The following BBS4 variants were observed in gnomAD, a reference collection of about 807,000 sequenced individuals.
BBS4 encodes the protein BBSome complex member BBS4.
A neutral mutation model predicts 71.4 loss-of-function variants in BBS4; 58 were observed. That is an observed-to-expected ratio of 0.81 (90% confidence interval 0.66 to 1.01). The LOEUF (loss-of-function observed/expected upper bound fraction) is 1.01, where lower values mean the gene tolerates loss of function less well. Among genes scored for constraint, BBS4 ranks in the 50% least tolerant of loss-of-function variants. BBS4 has a pLI of 0.00. For synonymous variants in BBS4, 228 were observed against 216.8 expected (o/e 1.05, Z -0.46); for missense variants, 660 against 607.9 (o/e 1.09, Z -0.90).
Position 72,738,295 on chromosome 15 carries a change from G to T in BBS4, c.*708G>T, listed in dbSNP as rs1247412131. ...GCACCAACGATTTTAAAGAAAAAAGGAAGAGTTTCTTAGATGAGTAATTGT... is the reference window on the plus strand; with the variant it reads ...GCACCAACGATTTTAAAGAAAAAAGTAAGAGTTTCTTAGATGAGTAATTGT... On this transcript the variant is annotated 3_prime_UTR_variant, in exon 16 of 16. Transcript: ENST00000268057. 1 of 454,082 alleles carries T rather than the reference G, an allele frequency of 2.2e-6. No homozygotes were observed. The highest frequency in any genetic ancestry group is 4.4e-6 in the Non-Finnish European group (1 of 226,782). The allele number at this position is 454,082 out of a possible 1,614,324, so 28.1% of individuals were successfully genotyped here.
At chr15:72,701,596 C>T (rs1439716669) in intron 2 of BBS4, among the ~76,000 whole-genome samples, 1 of 151,692 alleles carries the variant, frequency 6.6e-6, no homozygotes, top group Non-Finnish European at 1.5e-5. Flanking sequence ...CACACACTTG[C>T]TCATATGCTT....
At chr15:72,702,467 G>A (rs2065187322) in intron 2 of BBS4, among the ~76,000 whole-genome samples, 1 of 152,020 alleles carries the variant, frequency 6.6e-6, no homozygotes, top group Non-Finnish European at 1.5e-5. Flanking sequence ...CCCTTAAGAA[G>A]GATATAATTG....
At chr15:72,688,046 CAAAAAAA>C (rs199931617) in intron 1 of BBS4, among the ~76,000 whole-genome samples, 3 of 84,890 alleles carry the variant, frequency 3.5e-5, no homozygotes, top group Non-Finnish European at 5.6e-5. Flanking sequence ...GACTCCGTCT[CAAAAAAA>C]AAAAAAAAAA....
chr15:72,723,703 A>G (rs1030017671), intron 7 of BBS4, among the ~76,000 whole-genome samples: 2 of 152,192 alleles, frequency 1.3e-5, no homozygotes, highest in East Asian at 3.9e-4. Context: ...TGAGATAACA[A>G]TATATATACA....
chr15:72,695,094 A>G, intron 1 of BBS4, 83 bp from the exon 2 acceptor site: 1 of 952,152 alleles, frequency 1.1e-6, no homozygotes, highest in African/African-American at 1.6e-5. Flanking sequence ...TGAGCTACTG[A>G]TTATTCTTGT....
In BBS4 at chr15:72,737,967, G is replaced by A. The variant is rs1450468742; in HGVS notation, c.*380G>A. On this transcript the variant is annotated 3_prime_UTR_variant, in exon 16 of 16. Transcript: ENST00000268057. ...CAAGGAACAGCTGAGACAGACCTCT[G>A]CTGAGTAGCTCTGTGATGACAAAGC... 2.2e-6 allele frequency: 1 copy of A among 454,884 alleles called. No individual in the cohort carries two copies. Among genetic ancestry groups the A allele is most frequent in the African/African-American group, 2.0e-5 (1 of 50,166 alleles). The allele number at this position is 454,884 out of a possible 1,614,324, so 28.2% of individuals were successfully genotyped here. A position where few individuals can be genotyped will look rare whatever the true frequency, so the allele number is the denominator to read the frequency against.
At chr15:72,734,954 G>A in intron 12 of BBS4, 159 bp from the exon 13 acceptor site, 1 of 665,062 alleles carries the variant, frequency 1.5e-6, no homozygotes, top group Non-Finnish European at 2.8e-6. Flanking sequence ...CTGATTGACT[G>A]TAGAAGAGAT....
At chr15:72,686,322 T>C (rs746671107) in intron 1 of BBS4, 71 bp downstream of exon 1, 4 of 1,548,210 alleles carry the variant, frequency 2.6e-6, no homozygotes, top group South Asian at 1.2e-5. Flanking sequence ...TTTTGTCCCA[T>C]GCAGCGGTTC....
intron 15 of BBS4, 173 bp downstream of exon 15, chr15:72,737,136 G>A (rs1475899090): frequency 1.3e-6 from 1 of 778,974 alleles, no homozygotes; most frequent in Admixed American, 2.1e-5. Context: ...GTTTCCTTAA[G>A]GCGAGCTATG....
In BBS4 at chr15:72,736,456, G is replaced by C. The variant is rs2065926382; in HGVS notation, c.1249-306G>C. Among the ~76,000 whole-genome samples, 3 of 152,098 alleles carry C rather than the reference G, an allele frequency of 2.0e-5. No individual in the cohort carries two copies. The South Asian group carries it at 6.2e-4, about 32-fold the overall frequency. On this transcript the variant is annotated intron_variant, in intron 14 of 15. Transcript: ENST00000268057. ...GGGGTTTCACCATGTTGGCCAGGAT[G>C]GTCTTGATCTCTTGACCTCGTGATC...
At chr15:72,719,804 C>CA (rs1414614980) in intron 6 of BBS4, among the ~76,000 whole-genome samples, 1 of 146,980 alleles carries the variant, frequency 6.8e-6, no homozygotes, top group Non-Finnish European at 1.5e-5. Flanking sequence ...GGCTAGAGTG[C>CA]AGTGGCTCAA....
chr15:72,717,174 T>G, intron 6 of BBS4: 1 of 312,730 alleles, frequency 3.2e-6, no homozygotes, highest in South Asian at 3.7e-5. Context: ...TTGTGTTTCA[T>G]GTCTTTTTCC....
intron 6 of BBS4, among the ~76,000 whole-genome samples, chr15:72,718,839 G>T (rs1340354693): frequency 1.3e-5 from 2 of 152,144 alleles, no homozygotes; most frequent in South Asian, 4.1e-4. Context: ...GTTAAATCCT[G>T]TCTTTCAGAG....
At chr15:72,733,246 G>C (rs982192787) in intron 12 of BBS4, among the ~76,000 whole-genome samples, 7 of 152,114 alleles carry the variant, frequency 4.6e-5, no homozygotes, top group African/African-American at 1.7e-4. Context: ...CTTAAGCCCA[G>C]GAGTTGGGAG....
At position 72,725,185 on chromosome 15, in the gene BBS4, C is replaced by T. The variant is rs145120985; in HGVS notation, c.587+530C>T. ...AAGCAATCTTCCTACCTCAGCCTCC[C>T]AAGTAGTTGGGACTACAGGCATGTG... On this transcript the variant is annotated intron_variant, in intron 8 of 15. Transcript: ENST00000268057. Among the ~76,000 whole-genome samples the T allele has an allele frequency of 2.6e-5, 4 of 152,102 alleles. No homozygotes were observed. In the East Asian group the frequency reaches 7.7e-4, roughly 29 times the overall value.
At position 72,712,234 on chromosome 15, in the gene BBS4, C is replaced by T; in HGVS notation, c.157-10C>T. On this transcript the variant is annotated splice_polypyrimidine_tract_variant and intron_variant, in intron 3 of 15. Transcript: ENST00000268057. ...ACCACTGCTCAGAAGCATTTTTCTC[C>T]CTCTTTCAGGCTGTTATCAAAGAAC... 1.2e-6 allele frequency: 2 copies of T among 1,613,350 alleles called. No homozygotes were observed. Among genetic ancestry groups the T allele is most frequent in the Non-Finnish European group, 1.7e-6 (2 of 1,179,528 alleles).
rs2065597756 is a variant in BBS4 at position 72,722,615 on chromosome 15, G to A, written c.406-179G>A. The stretch of plus-strand genomic sequence containing the variant: ...CTTATAATCTGTATTTTTTTATGTT[G>A]AGGAACTTATTTTTAACAATTAATT... On this transcript the variant is annotated intron_variant, in intron 6 of 15. Transcript: ENST00000268057. Among the ~76,000 whole-genome samples the A allele has an allele frequency of 3.3e-5, 5 of 152,284 alleles. No individual in the cohort carries two copies. In the South Asian group the frequency reaches 1.0e-3, roughly 32 times the overall value.
intron 1 of BBS4, among the ~76,000 whole-genome samples, chr15:72,687,156 C>T (rs2064869325): frequency 1.9e-5 from 1 of 51,994 alleles, no homozygotes; most frequent in Non-Finnish European, 3.8e-5. Flanking sequence ...TCGCTGTTGT[C>T]GGCCCGGGCT....
At chr15:72,712,429 A>G in intron 4 of BBS4, 122 bp downstream of exon 4, 1 of 940,522 alleles carries the variant, frequency 1.1e-6, no homozygotes, top group Non-Finnish European at 1.7e-6. Flanking sequence ...CAATGGAGAT[A>G]TGTTCTAAGA....
Sources: allele counts gnomAD v4.1 joint callset (sites outside exome capture counted in the v4.1 genomes callset), GRCh38; gene constraint gnomAD v4.1.1; transcripts MANE v1.5; gene names NCBI Gene and HGNC (gene_info 2026-07-23, HGNC 2026-07-21).